The following GALNTL6 variants were observed in gnomAD, a reference collection of about 807,000 sequenced individuals.
The protein encoded by GALNTL6 is polypeptide N-acetylgalactosaminyltransferase like 6, also known as polypeptide N-acetylgalactosaminyltransferase-like 6.
A neutral mutation model predicts 73.7 loss-of-function variants in GALNTL6; 46 were observed. That is an observed-to-expected ratio of 0.62 (90% CI 0.49 to 0.80). The LOEUF is 0.80. Ranked by LOEUF, GALNTL6 falls within the 30% of genes least tolerant of loss-of-function variation. The pLI, the probability that GALNTL6 is intolerant of heterozygous loss-of-function variation, is 0.00. For missense variants in GALNTL6, 604 were observed against 755.0 expected (o/e 0.80, Z 2.34); for synonymous variants, 259 against 263.7 (o/e 0.98, Z 0.17).
chr4:172,946,142 T>A (rs1158143977), intron 9 of GALNTL6, among the ~76,000 whole-genome samples: 2 of 151,968 alleles, frequency 1.3e-5, no homozygotes, highest in African/African-American at 4.8e-5. Context: ...TGTGTGTGTG[T>A]GTGTGTGTGA....
chr4:171,846,417 G>A (rs930033290), intron 2 of GALNTL6, among the ~76,000 whole-genome samples: 2 of 152,060 alleles, frequency 1.3e-5, no homozygotes, highest in Admixed American at 6.6e-5. Context: ...TACAACCATG[G>A]CCAGAGGAGG....
intron 2 of GALNTL6, among the ~76,000 whole-genome samples, chr4:171,862,392 G>A (rs1260264602): frequency 1.3e-5 from 2 of 152,050 alleles, no homozygotes; most frequent in Non-Finnish European, 2.9e-5. Flanking sequence ...AGTGTGAACT[G>A]AGCATCTGTT....
intron 2 of GALNTL6, among the ~76,000 whole-genome samples, chr4:171,846,464 C>T (rs1264232988): frequency 6.6e-6 from 1 of 152,098 alleles, no homozygotes; most frequent in Non-Finnish European, 1.5e-5. Context: ...GGGCAAGAAG[C>T]TCCTGCGCTG....
chr4:171,936,841 C>T (rs1288184143), intron 2 of GALNTL6, among the ~76,000 whole-genome samples: 6 of 152,092 alleles, frequency 3.9e-5, no homozygotes, highest in South Asian at 4.1e-4. Context: ...GAAAAATATA[C>T]GTTAAGCCTC....
chr4:172,390,198 G>A (rs562244531), intron 5 of GALNTL6, among the ~76,000 whole-genome samples: 1 of 151,918 alleles, frequency 6.6e-6, no homozygotes, highest in African/African-American at 2.4e-5. Context: ...TTTAAAAATT[G>A]ACTTATTTTT....
At chr4:172,792,174 T>C (rs1579488329) in intron 5 of GALNTL6, among the ~76,000 whole-genome samples, 1 of 152,252 alleles carries the variant, frequency 6.6e-6, no homozygotes, top group East Asian at 1.9e-4. Flanking sequence ...GACGTGAAAA[T>C]AGAAAACATT....
At chr4:172,363,746 G>C (rs1460520054) in intron 5 of GALNTL6, among the ~76,000 whole-genome samples, 3 of 151,964 alleles carry the variant, frequency 2.0e-5, no homozygotes, top group Non-Finnish European at 4.4e-5. Context: ...GCTCATCCCT[G>C]GAAATAGAAA....
chr4:172,455,372 C>A (rs537578297), intron 5 of GALNTL6, among the ~76,000 whole-genome samples: 2 of 152,280 alleles, frequency 1.3e-5, no homozygotes, highest in East Asian at 3.9e-4. Context: ...ATTCACTCCC[C>A]TGGAAAGGGG....
chr4:172,066,195 A>G (rs944098714), intron 2 of GALNTL6, among the ~76,000 whole-genome samples: 1 of 152,184 alleles, frequency 6.6e-6, no homozygotes, highest in Non-Finnish European at 1.5e-5. Flanking sequence ...CCACTATTAT[A>G]GTATCATACA....
intron 3 of GALNTL6, among the ~76,000 whole-genome samples, chr4:172,246,829 T>A (rs867374283): frequency 1.3e-4 from 20 of 149,086 alleles, no homozygotes; most frequent in African/African-American, 4.6e-4. Context: ...TATATATATA[T>A]AAATATAAAA....
intron 4 of GALNTL6, among the ~76,000 whole-genome samples, chr4:172,343,460 A>C (rs960541018): frequency 3.9e-5 from 6 of 152,198 alleles, no homozygotes; most frequent in Non-Finnish European, 8.8e-5. Flanking sequence ...TAAGTCACTG[A>C]TAAGTCTGGT....
chr4:172,192,021 G>A (rs1033211197), intron 2 of GALNTL6, among the ~76,000 whole-genome samples: 2 of 151,832 alleles, frequency 1.3e-5, no homozygotes, highest in African/African-American at 4.8e-5. Context: ...AATTTTAAAT[G>A]TTTGTTTATT....
chr4:172,622,842 TGAG>T (rs1739016058), intron 5 of GALNTL6, among the ~76,000 whole-genome samples: 3 of 152,066 alleles, frequency 2.0e-5, no homozygotes, highest in Admixed American at 6.6e-5. Flanking sequence ...AATTTGATGA[TGAG>T]GAGATGTGAA....
chr4:172,047,818 A>T (rs570142134), intron 2 of GALNTL6, among the ~76,000 whole-genome samples: 17 of 152,264 alleles, frequency 1.1e-4, no homozygotes, highest in African/African-American at 3.6e-4. Flanking sequence ...CAGTCATGAA[A>T]AGGTATAGAT....
At position 172,154,474 on chromosome 4, in the gene GALNTL6, C is replaced by T. The variant is rs992121446; in HGVS notation, c.139-75182C>T. 7.9e-4 allele frequency among the ~76,000 whole-genome samples: 120 copies of T among 152,092 alleles called. 5 individuals carry two copies. Among genetic ancestry groups the T allele is most frequent in the Non-Finnish European group, 4.4e-5 (3 of 68,004 alleles). On this transcript the variant is annotated intron_variant, in intron 2 of 12. Transcript: ENST00000506823. ...CTCAAACTCCTGACCTCAGGTGATC[C>T]GTCTGCCTCAGCCTCCCAAAGTGCT...
chr4:172,162,323 T>C (rs1230827003), intron 2 of GALNTL6, among the ~76,000 whole-genome samples: 2 of 151,844 alleles, frequency 1.3e-5, no homozygotes, highest in East Asian at 1.9e-4. Context: ...ATCAATATTA[T>C]CTGTGAAATT....
intron 3 of GALNTL6, among the ~76,000 whole-genome samples, chr4:172,295,531 G>GTTTTTTTTTT (rs58721038): frequency 2.7e-5 from 2 of 73,158 alleles, no homozygotes; most frequent in African/African-American, 1.2e-4. Context: ...CTTTTTTTAG[G>GTTTTTTTTTT]TTTTTTTTTT....
At chr4:172,576,764 T>C (rs772021115) in intron 5 of GALNTL6, among the ~76,000 whole-genome samples, 9 of 152,116 alleles carry the variant, frequency 5.9e-5, no homozygotes, top group African/African-American at 1.2e-4. Context: ...AGAAAAAGCC[T>C]AATAAGGAAA....
intron 2 of GALNTL6, among the ~76,000 whole-genome samples, chr4:172,034,459 G>A (rs1230191585): frequency 6.9e-6 from 1 of 144,734 alleles, no homozygotes; most frequent in Admixed American, 7.0e-5. Flanking sequence ...TGTAGTTTGG[G>A]AATAAATAGA....
Sources: gnomAD v4.1 joint callset for allele counts (sites outside exome capture counted in the v4.1 genomes callset) on GRCh38, gnomAD v4.1.1 for gene constraint, MANE v1.5 for transcripts, NCBI Gene and HGNC (gene_info 2026-07-23, HGNC 2026-07-21) for gene names.